The following AP3B1 variants were observed in gnomAD, a reference collection of about 807,000 sequenced individuals.
AP3B1 encodes AP-3 complex subunit beta-1.
In AP3B1, 61 loss-of-function variants were observed where a neutral mutation model predicts 132.5. The observed-to-expected ratio is 0.46, with a 90% CI of 0.37 to 0.57. The LOEUF is 0.57. Among genes scored for constraint, AP3B1 ranks in the 20% least tolerant of loss-of-function variants. AP3B1 has a pLI of 0.00. For missense variants in AP3B1, 1,120 were observed against 1,289.4 expected (o/e 0.87, Z 2.01); for synonymous variants, 388 against 438.3 (o/e 0.89, Z 1.43).
chr5:78,283,755 C>T (rs772196956), intron 1 of AP3B1, among the ~76,000 whole-genome samples: 41 of 152,338 alleles, frequency 2.7e-4, no homozygotes, highest in Middle Eastern at 3.4e-3. Context: ...ATCTGTGTTT[C>T]CAGTATCACA....
Position 78,099,109 on chromosome 5 carries a change from CAT to C in AP3B1, c.2470+1842_2470+1843del, listed in dbSNP as rs1299353774. Among the ~76,000 whole-genome samples, 11 of 152,318 alleles carry C rather than the reference CAT, an allele frequency of 7.2e-5. 1 individual carries two copies. In the East Asian group the frequency reaches 1.9e-3, roughly 27 times the overall value. ...GGGATGGTGTTTCCTCCTTCTGTCA[CAT>C]GAGGAAACAGAAGTCACTATCTCTG... is the stretch of plus-strand genomic sequence containing the variant. On this transcript the variant is annotated intron_variant, in intron 21 of 26. Coordinates refer to ENST00000255194, the MANE Select transcript of AP3B1 (RefSeq NM_003664.5).
chr5:78,091,108 T>G (rs1750491095), intron 21 of AP3B1, among the ~76,000 whole-genome samples: 1 of 152,006 alleles, frequency 6.6e-6, no homozygotes, highest in South Asian at 2.1e-4. Flanking sequence ...TTTCAAAGCA[T>G]CTTTTTCTCA....
chr5:78,254,840 C>G (rs563792698), intron 2 of AP3B1, among the ~76,000 whole-genome samples: 1 of 152,070 alleles, frequency 6.6e-6, no homozygotes, highest in East Asian at 1.9e-4. Context: ...TATTCTTATC[C>G]TGAGTAGAAA....
At chr5:78,068,010 A>C (rs955150288) in intron 22 of AP3B1, among the ~76,000 whole-genome samples, 1 of 151,986 alleles carries the variant, frequency 6.6e-6, no homozygotes, top group South Asian at 2.1e-4. Context: ...TTAATAAAAG[A>C]GACCACTAGC....
rs543067917 is a variant in AP3B1 at position 78,257,837 on chromosome 5, CAGAATAGAG to C, written c.204+9674_204+9682del. On this transcript the variant is annotated intron_variant, in intron 2 of 26. Transcript: ENST00000255194. The stretch of plus-strand genomic sequence containing the variant: ...AAAACAGACACACAGAGGAATGGAA[CAGAATAGAG>C]AACCCAGAAACAAATCCACACACCT... 2.4e-3 allele frequency among the ~76,000 whole-genome samples: 370 copies of C among 152,224 alleles called. 2 individuals are homozygous for C. Among genetic ancestry groups the C allele is most frequent in the African/African-American group, 8.9e-3 (368 of 41,532 alleles).
intron 20 of AP3B1, among the ~76,000 whole-genome samples, chr5:78,106,983 T>G (rs1008332953): frequency 6.6e-6 from 1 of 152,172 alleles, no homozygotes; most frequent in African/African-American, 2.4e-5. Context: ...GTAATTAATA[T>G]AAATGTTTTA....
intron 23 of AP3B1, among the ~76,000 whole-genome samples, chr5:78,036,551 A>C (rs1407673255): frequency 6.6e-6 from 1 of 152,152 alleles, no homozygotes; most frequent in African/African-American, 2.4e-5. Flanking sequence ...AAGCCACTGA[A>C]TATAGTAAAG....
At chr5:78,039,906 T>C (rs1747998267) in intron 22 of AP3B1, among the ~76,000 whole-genome samples, 1 of 151,912 alleles carries the variant, frequency 6.6e-6, no homozygotes, top group Non-Finnish European at 1.5e-5. Flanking sequence ...ATAAACTTTT[T>C]TGTTAGTTTT....
intron 2 of AP3B1, 95 bp from the exon 3 acceptor site, chr5:78,241,031 G>A: frequency 1.1e-6 from 1 of 871,610 alleles, no homozygotes; most frequent in Non-Finnish European, 1.9e-6. Context: ...ATTAACCGCT[G>A]AACTCTTTTT....
chr5:78,105,612 C>T (rs1336803557), intron 20 of AP3B1, among the ~76,000 whole-genome samples: 1 of 151,998 alleles, frequency 6.6e-6, no homozygotes, highest in African/African-American at 2.4e-5. Context: ...TAAGGAATTA[C>T]TAAAAGTAAT....
chr5:78,168,090 G>A (rs1743733141), intron 11 of AP3B1, among the ~76,000 whole-genome samples: 1 of 151,522 alleles, frequency 6.6e-6, no homozygotes, highest in South Asian at 2.1e-4. Context: ...ACTGTAGGAG[G>A]AGTTCTTTAC....
chr5:78,090,117 C>G (rs989235392), intron 21 of AP3B1, among the ~76,000 whole-genome samples: 32 of 152,174 alleles, frequency 2.1e-4, no homozygotes, highest in African/African-American at 7.7e-4. Flanking sequence ...AGGCTCATAA[C>G]TGCCTACAAG....
chr5:78,216,661 C>A (rs9293733), intron 6 of AP3B1, among the ~76,000 whole-genome samples: 1 of 151,756 alleles, frequency 6.6e-6, no homozygotes, highest in African/African-American at 2.4e-5. Flanking sequence ...AAAATGAGAA[C>A]GACAATCATT....
intron 17 of AP3B1, among the ~76,000 whole-genome samples, chr5:78,122,035 G>A (rs1244190231): frequency 4.6e-5 from 7 of 152,184 alleles, no homozygotes; most frequent in African/African-American, 1.7e-4. Context: ...TGCAAGGCTG[G>A]TTCAACATAC....
At chr5:78,188,734 C>A (rs1300470850) in intron 7 of AP3B1, among the ~76,000 whole-genome samples, 4 of 152,178 alleles carry the variant, frequency 2.6e-5, no homozygotes, top group African/African-American at 9.6e-5. Context: ...TGGGTATATA[C>A]CCAAAAGAGT....
Position 78,267,531 on chromosome 5 carries a change from G to A in AP3B1, c.193C>T (p.Arg65Trp), listed in dbSNP as rs758616866. ...KDSAKLDAMK[R>W]IVGMIAKGKN... ...AGTATTTTACCTACCCCAACAATCC[G>A]CTTCATAGCATCCAGTTTAGCAGAA... Residue 65 changes from arginine to tryptophan, a missense_variant, in exon 2 of 27, where the codon CGG (arginine) becomes TGG (tryptophan). Arg to Trp is a moderately radical substitution (Grantham distance 101). Coordinates refer to ENST00000255194, the MANE Select transcript of AP3B1 (RefSeq NM_003664.5). The A allele has an allele frequency of 2.9e-5, 46 of 1,609,390 alleles. 1 individual carries two copies. Among genetic ancestry groups the A allele is most frequent in the Middle Eastern group, 3.3e-4 (2 of 6,044 alleles).
chr5:78,099,738 A>T lies in AP3B1; in HGVS notation c.2470+1215T>A, dbSNP rs374045322. Among the ~76,000 whole-genome samples, 13 of 152,208 alleles carry T rather than the reference A, an allele frequency of 8.5e-5. No individual in the cohort carries two copies. The East Asian group carries it at 2.5e-3, about 29-fold the overall frequency. ...AGTGAAACCCGCCTCTACTAAAAAA[A>T]AATACAAAAAATTAGCTGGGCGTGA... On this transcript the variant is annotated intron_variant, in intron 21 of 26. Coordinates refer to ENST00000255194, the MANE Select transcript of AP3B1 (RefSeq NM_003664.5).
chr5:78,057,160 G>T (rs908076383), intron 22 of AP3B1, among the ~76,000 whole-genome samples: 2 of 152,120 alleles, frequency 1.3e-5, no homozygotes, highest in Non-Finnish European at 2.9e-5. Flanking sequence ...GATTTCCCAC[G>T]GCATGAATCT....
intron 1 of AP3B1, among the ~76,000 whole-genome samples, chr5:78,269,815 A>G (rs1748475147): frequency 6.6e-6 from 1 of 152,204 alleles, no homozygotes; most frequent in African/African-American, 2.4e-5. Context: ...TTGACAATGT[A>G]ATTTTATGTT....
Sources: gnomAD v4.1 joint callset for allele counts (sites outside exome capture counted in the v4.1 genomes callset) on GRCh38, gnomAD v4.1.1 for gene constraint, MANE v1.5 for transcripts, NCBI Gene and HGNC (gene_info 2026-07-23, HGNC 2026-07-21) for gene names.